The following FER variants were observed in gnomAD, a reference collection of about 807,000 sequenced individuals.
FER encodes FER tyrosine kinase.
A neutral mutation model predicts 111.0 loss-of-function variants in FER; 63 were observed. The observed-to-expected ratio is 0.57, with a 90% CI of 0.46 to 0.70. The LOEUF is 0.70. FER is among the 30% of genes least tolerant of loss of function. The pLI, the probability that FER is intolerant of heterozygous loss-of-function variation, is 0.00. For missense variants in FER, 914 were observed against 954.0 expected (o/e 0.96, Z 0.55); for synonymous variants, 327 against 313.9 (o/e 1.04, Z -0.44).
At chr5:109,018,523 G>T (rs189774034) in intron 13 of FER, among the ~76,000 whole-genome samples, 1 of 151,812 alleles carries the variant, frequency 6.6e-6, no homozygotes, top group East Asian at 1.9e-4. Flanking sequence ...ACAGATTTTA[G>T]AATCAAAGAC....
intron 17 of FER, among the ~76,000 whole-genome samples, chr5:109,147,798 T>TAGAGAGAG (rs1477541042): frequency 6.0e-5 from 7 of 116,636 alleles, no homozygotes; most frequent in African/African-American, 2.3e-4. Flanking sequence ...TATATATATA[T>TAGAGAGAG]ATAGAGAGAG....
chr5:109,168,332 T>G (rs1303340384), intron 17 of FER, among the ~76,000 whole-genome samples: 1 of 152,066 alleles, frequency 6.6e-6, no homozygotes, highest in East Asian at 1.9e-4. Flanking sequence ...TGGCAACCCC[T>G]AGGGAGCTTC....
chr5:108,894,254 C>T (rs533301222), intron 9 of FER: 37 of 399,566 alleles, frequency 9.3e-5, no homozygotes, highest in Non-Finnish European at 1.5e-4. Context: ...AACAAACAAA[C>T]AAAACCTCTT....
rs142818464 is a variant in FER at position 109,189,940 on chromosome 5, G to A, written c.*2365G>A. The A allele has an allele frequency of 6.6e-6, 1 of 152,298 alleles. No individual in the cohort carries two copies. The highest frequency in any genetic ancestry group is 1.5e-5 in the Non-Finnish European group (1 of 68,020). The allele number at this position is 152,298 out of a possible 1,614,324, so 9.4% of individuals were successfully genotyped here. ...TTTTCAAAACATCGTGACATGTGTA[G>A]CATTTAAATTCCATTTTATTCTTTG... On this transcript the variant is annotated 3_prime_UTR_variant, in exon 20 of 20. Transcript: ENST00000281092.
intron 13 of FER, among the ~76,000 whole-genome samples, chr5:108,998,018 C>A (rs1764223038): frequency 6.6e-6 from 1 of 151,956 alleles, no homozygotes; most frequent in East Asian, 1.9e-4. Context: ...TCGACCTCAA[C>A]TGCTGTGCTG....
At chr5:108,998,855 T>C (rs1011572193) in intron 13 of FER, among the ~76,000 whole-genome samples, 10 of 152,206 alleles carry the variant, frequency 6.6e-5, no homozygotes, top group African/African-American at 2.2e-4. Flanking sequence ...GGATTCCGTT[T>C]GCCAATATTT....
chr5:109,050,886 T>A (rs975716795), intron 16 of FER, among the ~76,000 whole-genome samples: 6 of 152,182 alleles, frequency 3.9e-5, no homozygotes, highest in African/African-American at 1.4e-4. Context: ...TGAAAAGACC[T>A]AAGATGTTCA....
At chr5:109,099,293 A>G (rs1011660378) in intron 16 of FER, among the ~76,000 whole-genome samples, 1 of 151,744 alleles carries the variant, frequency 6.6e-6, no homozygotes, top group African/African-American at 2.4e-5. Context: ...GTCACTGACC[A>G]TATGAGGCTC....
intron 6 of FER, among the ~76,000 whole-genome samples, chr5:108,869,535 A>T (rs1410989440): frequency 6.6e-6 from 1 of 152,080 alleles, no homozygotes; most frequent in Non-Finnish European, 1.5e-5. Context: ...CAATGGCTGG[A>T]GTCTTTATAA....
At chr5:109,101,221 G>A (rs1748193424) in intron 17 of FER, among the ~76,000 whole-genome samples, 1 of 151,848 alleles carries the variant, frequency 6.6e-6, no homozygotes, top group African/African-American at 2.4e-5. Context: ...CCTAAATATG[G>A]CTAAGTATAA....
intron 13 of FER, among the ~76,000 whole-genome samples, chr5:109,024,036 T>C (rs773523239): frequency 2.0e-5 from 3 of 152,028 alleles, no homozygotes; most frequent in Non-Finnish European, 4.4e-5. Flanking sequence ...CTTTTTATCT[T>C]TATTTTGCAG....
intron 16 of FER, among the ~76,000 whole-genome samples, chr5:109,083,322 A>C (rs921891438): frequency 6.6e-6 from 1 of 152,000 alleles, no homozygotes; most frequent in Non-Finnish European, 1.5e-5. Flanking sequence ...TTCTTAATGA[A>C]AATATTGAAA....
At chr5:108,845,539 A>C (rs1489843221) in intron 5 of FER, among the ~76,000 whole-genome samples, 1 of 152,018 alleles carries the variant, frequency 6.6e-6, no homozygotes, top group Non-Finnish European at 1.5e-5. Flanking sequence ...GGATCATGTT[A>C]TCTATGTATA....
At chr5:108,875,803 A>G (rs532500783) in intron 8 of FER, among the ~76,000 whole-genome samples, 20 of 152,326 alleles carry the variant, frequency 1.3e-4, no homozygotes, top group Non-Finnish European at 2.4e-4. Flanking sequence ...ATTAATTTTA[A>G]TAAAGCAGTA....
At chr5:108,926,467 A>G (rs1470451851) in intron 10 of FER, among the ~76,000 whole-genome samples, 1 of 152,148 alleles carries the variant, frequency 6.6e-6, no homozygotes, top group Admixed American at 6.5e-5. Flanking sequence ...TTTGATGGCT[A>G]TCACCCACCA....
intron 10 of FER, among the ~76,000 whole-genome samples, chr5:108,913,329 A>G (rs1194663733): frequency 6.6e-6 from 1 of 152,226 alleles, no homozygotes; most frequent in Non-Finnish European, 1.5e-5. Flanking sequence ...CACTCTACAT[A>G]TTCCTTGTAT....
intron 17 of FER, among the ~76,000 whole-genome samples, chr5:109,172,190 C>A (rs368798092): frequency 6.6e-6 from 1 of 151,726 alleles, no homozygotes; most frequent in Non-Finnish European, 1.5e-5. Flanking sequence ...CACACGTATG[C>A]TTATTGCGGC....
At chr5:108,849,825 A>G (rs1762378792) in intron 5 of FER, among the ~76,000 whole-genome samples, 3 of 152,186 alleles carry the variant, frequency 2.0e-5, no homozygotes, top group Admixed American at 2.0e-4. Context: ...GAGAAAATGT[A>G]GAACATTGCC....
intron 10 of FER, among the ~76,000 whole-genome samples, chr5:108,911,678 A>G (rs1751569900): frequency 6.6e-6 from 1 of 152,236 alleles, no homozygotes; most frequent in East Asian, 1.9e-4. Flanking sequence ...ATTCTTTTGC[A>G]TATTGCTAGC....
Sources: allele counts gnomAD v4.1 joint callset (sites outside exome capture counted in the v4.1 genomes callset), GRCh38; gene constraint gnomAD v4.1.1; transcripts MANE v1.5; gene names NCBI Gene and HGNC (gene_info 2026-07-23, HGNC 2026-07-21).